STX11: variants seen among roughly 807,000 people sequenced by gnomAD.
STX11 encodes syntaxin 11.
Under a neutral mutation model 19.9 loss-of-function variants are expected in STX11, and 21 were observed. That is an observed-to-expected ratio of 1.06 (90% confidence interval 0.75 to 1.52). The LOEUF (loss-of-function observed/expected upper bound fraction) is 1.52. Ranked by LOEUF, STX11 falls within the 40% of genes most tolerant of loss-of-function variation. The pLI is 0.00. For synonymous variants in STX11, 193 were observed against 174.4 expected (o/e 1.11, Z -0.84); for missense variants, 438 against 405.9 (o/e 1.08, Z -0.68).
At position 144,187,342 on chromosome 6, in the gene STX11, G is replaced by A; in HGVS notation, c.715G>A (p.Ala239Thr). 1 of 1,610,448 alleles carries A rather than the reference G, an allele frequency of 6.2e-7. No homozygotes were observed. The highest frequency in any genetic ancestry group is 8.5e-7 in the Non-Finnish European group (1 of 1,179,952). The change falls in exon 2 of 2, where the codon GCC (alanine) becomes ACC (threonine). Residue 239 changes from alanine to threonine, a missense_variant. Transcript: ENST00000367568. The surrounding 1 kb of genome is among the most constrained non-coding windows in gnomAD (Gnocchi z 5.6). ...LQMAVLVEKQ[A>T]DTLNVIELNV... ...GATGGCGGTGCTGGTGGAGAAGCAG[G>A]CCGACACCCTGAACGTCATCGAGCT... is the stretch of plus-strand genomic sequence containing the variant.
upstream of STX11, among the ~76,000 whole-genome samples, chr6:144,146,048 G>C (rs1050031882): frequency 6.6e-6 from 1 of 152,154 alleles, no homozygotes; most frequent in Non-Finnish European, 1.5e-5. The surrounding 1 kb of genome is among the most constrained non-coding windows in gnomAD (Gnocchi z 4.4). Flanking sequence ...AAGAGAAATG[G>C]TAGTTGCTGG....
At position 144,190,768 on chromosome 6, in the gene STX11, C is replaced by T. The variant is rs564221381; in HGVS notation, c.*3277C>T. On this transcript the variant is annotated 3_prime_UTR_variant, in exon 2 of 2. Transcript: ENST00000367568. ...TTCCCAAGCTGTGAGTCAGAAAGTC[C>T]TGGAAGGAGTTGTAGGAAGTTGTAG... 2.4e-4 allele frequency among the ~76,000 whole-genome samples: 36 copies of T among 152,198 alleles called. No homozygotes were observed. The highest frequency in any genetic ancestry group is 5.0e-4 in the Non-Finnish European group (34 of 68,012).
the STX11 span, among the ~76,000 whole-genome samples, chr6:144,143,444 G>A: frequency 1.8e-4 from 27 of 152,148 alleles, no homozygotes; most frequent in Admixed American, 7.2e-4. Context: ...TGGACAGGGT[G>A]GAGGGGAGCT....
chr6:144,155,948 T>A lies in STX11; in HGVS notation c.-6+5245T>A, dbSNP rs562463156. Among the ~76,000 whole-genome samples, 9,896 of 26,416 alleles carry A rather than the reference T, an allele frequency of 0.37. 650 individuals carry two copies. The highest frequency in any genetic ancestry group is 0.39 in the Non-Finnish European group (5,295 of 13,406). 17.3% of individuals were successfully genotyped at this position (26,416 alleles called of 152,430 possible). A position where few individuals can be genotyped will look rare whatever the true frequency, so the allele number is the denominator to read the frequency against. On this transcript the variant is annotated intron_variant, in intron 1 of 1. Transcript: ENST00000367568. This position sits in a 1 kb window ranked among gnomAD's most constrained non-coding sequence, Gnocchi z 4.5. ...ATGTGTTTTAAAATTTAATCTTTCTTTCTTTCTTTCTTTCTTTCTTTCTTT... is the reference window on the plus strand; with the variant it reads ...ATGTGTTTTAAAATTTAATCTTTCTATCTTTCTTTCTTTCTTTCTTTCTTT...
At position 144,175,407 on chromosome 6, in the gene STX11, G is replaced by GT. The variant is rs1365638875; in HGVS notation, c.-5-11210dup. Among the ~76,000 whole-genome samples the GT allele has an allele frequency of 6.6e-6, 1 of 151,894 alleles. No individual in the cohort carries two copies. The highest frequency in any genetic ancestry group is 1.5e-5 in the Non-Finnish European group (1 of 67,980). On this transcript the variant is annotated intron_variant, in intron 1 of 1. Transcript: ENST00000367568. The surrounding 1 kb of genome is among the most constrained non-coding windows in gnomAD (Gnocchi z 5.1). ...TTTTTTCCACTTTGCTAATAACATT[G>GT]TTTTTTCTTCTGCCTCATCCTCCCG... is the stretch of plus-strand genomic sequence containing the variant.
rs971140809 is a variant in STX11 at position 144,152,589 on chromosome 6, A to C, written c.-6+1886A>C. On this transcript the variant is annotated intron_variant, in intron 1 of 1. Coordinates refer to ENST00000367568, the MANE Select transcript of STX11 (RefSeq NM_003764.4). The surrounding 1 kb of genome is among the most constrained non-coding windows in gnomAD (Gnocchi z 4.9). ...ACAATTGCAGTCACCTTTAGTTAAC[A>C]GCATGACTTTTAGGAAATGGTGTGA... is the stretch of plus-strand genomic sequence containing the variant. Among the ~76,000 whole-genome samples, 1 of 152,218 alleles carries C rather than the reference A, an allele frequency of 6.6e-6. No homozygotes were observed. Among genetic ancestry groups the C allele is most frequent in the African/African-American group, 2.4e-5 (1 of 41,448 alleles).
chr6:144,144,307 C>A, the STX11 span, among the ~76,000 whole-genome samples: 6 of 152,194 alleles, frequency 3.9e-5, no homozygotes, highest in Non-Finnish European at 8.8e-5. Context: ...CACATGATCA[C>A]TGAGTGTCCA....
At position 144,186,834 on chromosome 6, in the gene STX11, C is replaced by G; in HGVS notation, c.207C>G (p.Asn69Lys). The G allele has an allele frequency of 6.2e-7, 1 of 1,613,366 alleles. No homozygotes were observed. The highest frequency in any genetic ancestry group is 8.5e-7 in the Non-Finnish European group (1 of 1,179,952). The change falls in exon 2 of 2, where the codon AAC becomes AAG. Residue 69 changes from asparagine to lysine, a missense_variant. Physicochemically the swap from Asn to Lys is moderately conservative, Grantham distance 94. Transcript: ENST00000367568. ...ACGTGAAGCGGCTGGGAAAGCAGAACGCCCGCTTCCTCACGTCCATGCGGC... is the reference window on the plus strand; with the variant it reads ...ACGTGAAGCGGCTGGGAAAGCAGAAGGCCCGCTTCCTCACGTCCATGCGGC... ...VADVKRLGKQ[N>K]ARFLTSMRRL...
At position 144,188,011 on chromosome 6, in the gene STX11, C is replaced by T. The variant is rs1032787639; in HGVS notation, c.*520C>T. 2 of 251,748 alleles carry T rather than the reference C, an allele frequency of 7.9e-6. No individual in the cohort carries two copies. Among genetic ancestry groups the T allele is most frequent in the African/African-American group, 4.4e-5 (2 of 45,236 alleles). 15.6% of individuals were successfully genotyped at this position (251,748 alleles called of 1,614,324 possible). A position where few individuals can be genotyped will look rare whatever the true frequency, so the allele number is the denominator to read the frequency against. On this transcript the variant is annotated 3_prime_UTR_variant, in exon 2 of 2. Transcript: ENST00000367568. ...TTCATCCGGTCTACGCTATGCAATT[C>T]CTCCCCAAATATAGATCTTATTTCT...
rs144586806 is a variant in STX11, at chr6:144,169,663, C to CCCTTCCTT, written c.-5-16942_-5-16935dup. Among the ~76,000 whole-genome samples the CCCTTCCTT allele has an allele frequency of 0.27, 37,463 of 139,552 alleles. 5,577 individuals are homozygous for CCCTTCCTT. The highest frequency in any genetic ancestry group is 0.33 in the Non-Finnish European group (21,351 of 64,802). 91.6% of individuals were successfully genotyped at this position (139,552 alleles called of 152,430 possible). A position where few individuals can be genotyped will look rare whatever the true frequency, so the allele number is the denominator to read the frequency against. On this transcript the variant is annotated intron_variant, in intron 1 of 1. Coordinates refer to ENST00000367568, the MANE Select transcript of STX11 (RefSeq NM_003764.4). This position sits in a 1 kb window ranked among gnomAD's most constrained non-coding sequence, Gnocchi z 5.2. Reference sequence around the variant, plus strand: ...CTCCTTTTCTTTTCCCTCCCTCCCTCCCTTCCTTCCTTCCTTCCTTCCTTC... The same window carrying CCCTTCCTT: ...CTCCTTTTCTTTTCCCTCCCTCCCTCCCTTCCTTCCTTCCTTCCTTCCTTCCTTCCTTC...
rs984097591 is a variant in STX11 at position 144,155,340 on chromosome 6, C to T, written c.-6+4637C>T. ...GAGGATTGCTTGAGCCTGGGGGCAG[C>T]GGCAGGGGCGGGGGAGAATGTTCAA... On this transcript the variant is annotated intron_variant, in intron 1 of 1. Transcript: ENST00000367568. The surrounding 1 kb of genome is among the most constrained non-coding windows in gnomAD (Gnocchi z 4.5). 9.9e-5 allele frequency among the ~76,000 whole-genome samples: 15 copies of T among 152,096 alleles called. No individual in the cohort carries two copies. Among genetic ancestry groups the T allele is most frequent in the African/African-American group, 3.4e-4 (14 of 41,408 alleles).
rs1801284760 is a variant in STX11, at chr6:144,159,716, G to C, written c.-6+9013G>C. On this transcript the variant is annotated intron_variant, in intron 1 of 1. Transcript: ENST00000367568. This position sits in a 1 kb window ranked among gnomAD's most constrained non-coding sequence, Gnocchi z 4.3. The stretch of plus-strand genomic sequence containing the variant: ...TACAGTGGAAGAAAATAAATGTAAA[G>C]CTCTGAAAATCATGAACTTACATCA... 6.6e-6 allele frequency among the ~76,000 whole-genome samples: 1 copy of C among 152,148 alleles called. No homozygotes were observed. Among genetic ancestry groups the C allele is most frequent in the Non-Finnish European group, 1.5e-5 (1 of 68,018 alleles).
In STX11 at chr6:144,169,256, C is replaced by T. The variant is rs957808836; in HGVS notation, c.-5-17367C>T. Among the ~76,000 whole-genome samples the T allele has an allele frequency of 1.3e-5, 2 of 152,164 alleles. No individual in the cohort carries two copies. The highest frequency in any genetic ancestry group is 2.1e-4 in the South Asian group (1 of 4,830). On this transcript the variant is annotated intron_variant, in intron 1 of 1. Transcript: ENST00000367568. The surrounding 1 kb of genome is among the most constrained non-coding windows in gnomAD (Gnocchi z 5.2). ...GTCTCAGCTCTAGTCAGTGTCTTTC[C>T]GGGGCAATAACACCAAAACGGTGAT...
rs10553202 is a variant in STX11 at position 144,186,325 on chromosome 6, TATAAATAA to T, written c.-5-280_-5-273del. On this transcript the variant is annotated intron_variant, in intron 1 of 1. Transcript: ENST00000367568. The stretch of plus-strand genomic sequence containing the variant: ...AGAACTTAAAGTATAATAAAATATA[TATAAATAA>T]ATAAATAAATAAATAAAATTTTAAA... 3.4e-3 allele frequency among the ~76,000 whole-genome samples: 510 copies of T among 148,356 alleles called. 14 individuals are homozygous for T. The East Asian group carries it at 0.064, about 18-fold the overall frequency.
upstream of STX11, among the ~76,000 whole-genome samples, chr6:144,145,887 C>T (rs1584000057): frequency 6.6e-6 from 1 of 152,300 alleles, no homozygotes; most frequent in African/African-American, 2.4e-5. Flanking sequence ...GTGATGGTTA[C>T]ACCACAATGT....
At position 144,184,542 on chromosome 6, in the gene STX11, G is replaced by A. The variant is rs557555516; in HGVS notation, c.-5-2081G>A. Among the ~76,000 whole-genome samples the A allele has an allele frequency of 1.3e-5, 2 of 152,318 alleles. No individual in the cohort carries two copies. The highest frequency in any genetic ancestry group is 3.9e-4 in the East Asian group (2 of 5,188). ...AATTTGCATTTCCTTGTTTAATACA[G>A]AAGTCTTTTGTGACTATATTTTTAT... On this transcript the variant is annotated intron_variant, in intron 1 of 1. Coordinates refer to ENST00000367568, the MANE Select transcript of STX11 (RefSeq NM_003764.4). This position sits in a 1 kb window ranked among gnomAD's most constrained non-coding sequence, Gnocchi z 6.5.
chr6:144,171,815 G>A (rs1267136152), intron 1 of STX11, among the ~76,000 whole-genome samples: 2 of 151,886 alleles, frequency 1.3e-5, no homozygotes, highest in African/African-American at 4.8e-5. Context: ...AGAAACATGT[G>A]CTTTTAAAAA....
chr6:144,163,394 G>A (rs528713490), intron 1 of STX11, among the ~76,000 whole-genome samples: 20 of 152,196 alleles, frequency 1.3e-4, no homozygotes, highest in South Asian at 2.1e-4. Context: ...GCAGCATAGC[G>A]AGACCCCATC....
intron 1 of STX11, among the ~76,000 whole-genome samples, chr6:144,164,327 ATAT>A (rs1427106946): frequency 6.6e-6 from 1 of 152,222 alleles, no homozygotes. Context: ...AGGTATTTTA[ATAT>A]TATGTTAAAA....
Sources: allele counts gnomAD v4.1 joint callset (sites outside exome capture counted in the v4.1 genomes callset), GRCh38; gene constraint gnomAD v4.1.1; non-coding constraint Gnocchi (gnomAD v3.1); transcripts MANE v1.5; gene names NCBI Gene and HGNC (gene_info 2026-07-23, HGNC 2026-07-21).